The following TMEM131L variants were observed in gnomAD, a reference collection of about 807,000 sequenced individuals.
The protein encoded by TMEM131L is transmembrane protein 131-like.
Under a neutral mutation model 192.2 loss-of-function variants are expected in TMEM131L, and 54 were observed. The observed-to-expected ratio is 0.28, with a 90% CI of 0.23 to 0.35. TMEM131L has a LOEUF of 0.35. TMEM131L is among the 10% of genes least tolerant of loss of function. The pLI, the probability that TMEM131L is intolerant of heterozygous loss-of-function variation, is 1.00. For missense variants in TMEM131L, 1,888 were observed against 1,972.9 expected, an observed-to-expected ratio of 0.96 and a Z score of 0.82; for synonymous variants, 701 against 704.9, an observed-to-expected ratio of 0.99 and a Z score of 0.09.
intron 3 of TMEM131L, among the ~76,000 whole-genome samples, chr4:153,532,807 A>T (rs1314159049): frequency 1.3e-5 from 2 of 152,050 alleles, no homozygotes; most frequent in Non-Finnish European, 2.9e-5. Context: ...CTCATGAATT[A>T]TGTTTTAGTT....
rs190895272 is a variant in TMEM131L, at chr4:153,619,002, G to T, written c.3568-1754G>T. On this transcript the variant is annotated intron_variant, in intron 26 of 34. Transcript: ENST00000409959. ...CACGCCTCTGAATCTAGCTTGTCCTGCATTCCCCTTTTCTTTGTCATACTC... is the reference window on the plus strand; with the variant it reads ...CACGCCTCTGAATCTAGCTTGTCCTTCATTCCCCTTTTCTTTGTCATACTC... Among the ~76,000 whole-genome samples the T allele has an allele frequency of 9.3e-4, 141 of 152,234 alleles. 1 individual carries two copies. The highest frequency in any genetic ancestry group is 8.3e-3 in the South Asian group (40 of 4,830).
In TMEM131L at chr4:153,564,657, G is replaced by C. The variant is rs771978672; in HGVS notation, c.660+6289G>C. ...TGGTGGGTCTGAATGACAGGCTGAG[G>C]CTCTCCTCCTTTTGTTGCATTCTTC... On this transcript the variant is annotated intron_variant, in intron 7 of 34. Coordinates refer to ENST00000409959, the MANE Select transcript of TMEM131L (RefSeq NM_001131007.2). 2.0e-4 allele frequency among the ~76,000 whole-genome samples: 31 copies of C among 152,132 alleles called. 1 individual carries two copies. Among genetic ancestry groups the C allele is most frequent in the Non-Finnish European group, 2.2e-4 (15 of 68,024 alleles).
chr4:153,609,379 C>T (rs1301858940), intron 25 of TMEM131L, among the ~76,000 whole-genome samples: 1 of 152,114 alleles, frequency 6.6e-6, no homozygotes, highest in African/African-American at 2.4e-5. Flanking sequence ...AGAAGTCAGC[C>T]CCCATGATCC....
At chr4:153,608,944 C>A (rs1019530087) in intron 25 of TMEM131L, among the ~76,000 whole-genome samples, 4 of 152,136 alleles carry the variant, frequency 2.6e-5, no homozygotes, top group Non-Finnish European at 5.9e-5. Context: ...ACCATTACCA[C>A]CGTGAAGGGC....
chr4:153,472,040 G>A (rs1731195679), intron 2 of TMEM131L, among the ~76,000 whole-genome samples: 1 of 151,962 alleles, frequency 6.6e-6, no homozygotes, highest in South Asian at 2.1e-4. Context: ...TTTTGTCATA[G>A]AGATTTATTT....
chr4:153,486,625 TC>T (rs775479538), intron 3 of TMEM131L, among the ~76,000 whole-genome samples: 8 of 152,120 alleles, frequency 5.3e-5, no homozygotes, highest in Non-Finnish European at 7.4e-5. Flanking sequence ...TTGCAGGAGG[TC>T]TGTGTGCTTC....
chr4:153,614,489 G>A (rs752260993), intron 26 of TMEM131L, among the ~76,000 whole-genome samples: 2 of 152,170 alleles, frequency 1.3e-5, no homozygotes, highest in Non-Finnish European at 2.9e-5. Flanking sequence ...CTGCAGATTT[G>A]GGGGAGCTAT....
chr4:153,536,302 C>G (rs1432326786), intron 3 of TMEM131L, among the ~76,000 whole-genome samples: 1 of 152,178 alleles, frequency 6.6e-6, no homozygotes, highest in African/African-American at 2.4e-5. Context: ...ACATCTTCAG[C>G]AATAACACTT....
chr4:153,597,393 A>G (rs1476087227), intron 20 of TMEM131L, among the ~76,000 whole-genome samples: 1 of 152,136 alleles, frequency 6.6e-6, no homozygotes, highest in Non-Finnish European at 1.5e-5. Context: ...GCTTGAAAAG[A>G]AAGTCTAAAT....
intron 9 of TMEM131L, among the ~76,000 whole-genome samples, 186 bp from the exon 10 acceptor site, chr4:153,583,004 T>C (rs542559312): frequency 6.7e-6 from 1 of 150,144 alleles, no homozygotes; most frequent in East Asian, 1.9e-4. Context: ...TTCTTGTGAT[T>C]AAAAAAGAAA....
intron 32 of TMEM131L, among the ~76,000 whole-genome samples, chr4:153,633,075 G>A (rs915470781): frequency 4.4e-4 from 67 of 151,244 alleles, no homozygotes; most frequent in African/African-American, 1.4e-3. Context: ...TTTTAAAAAC[G>A]TCTTTAAAAA....
intron 26 of TMEM131L, among the ~76,000 whole-genome samples, chr4:153,618,474 TC>T (rs1416092624): frequency 8.5e-5 from 3 of 35,288 alleles, no homozygotes; most frequent in African/African-American, 1.5e-4. Flanking sequence ...AGACCCTGTC[TC>T]CAAAAAAAAA....
In TMEM131L at chr4:153,468,131, T is replaced by TG. The variant is rs1163055363; in HGVS notation, c.195+851dup. On this transcript the variant is annotated intron_variant, in intron 2 of 34. Transcript: ENST00000409959. The stretch of plus-strand genomic sequence containing the variant: ...CAGCACTTAATTCTGTGTTGTGTCT[T>TG]GCGGCTGTTTAGAAAAACAGGATGT... Among the ~76,000 whole-genome samples the TG allele has an allele frequency of 4.6e-5, 7 of 152,208 alleles. No individual in the cohort carries two copies. In the East Asian group the frequency reaches 1.3e-3, roughly 29 times the overall value.
intron 3 of TMEM131L, among the ~76,000 whole-genome samples, chr4:153,496,421 A>T (rs549442938): frequency 1.5e-4 from 23 of 152,338 alleles, no homozygotes; most frequent in South Asian, 2.1e-4. Flanking sequence ...ATTATTCAGC[A>T]GGGAACACAA....
chr4:153,602,598 C>A lies in TMEM131L; in HGVS notation c.2510C>A (p.Ala837Glu), dbSNP rs1731920029. The change falls in exon 23 of 35, where the codon GCA becomes GAA. Residue 837 changes from alanine (A) to glutamate (E), a missense_variant. Physicochemically the swap from Ala to Glu is moderately radical, Grantham distance 107 (BLOSUM62 -1). Coordinates refer to ENST00000409959, the MANE Select transcript of TMEM131L (RefSeq NM_001131007.2). ...ATTCGGGACCTAAGTCTTGTAACCG[C>A]AGCGGACCTAGAATTTCGCTTCACT... ...WVIRDLSLVTAADLEFRFTLN... is the reference protein window; with the variant it reads ...WVIRDLSLVTEADLEFRFTLN... 1.9e-6 allele frequency: 3 copies of A among 1,614,152 alleles called. No homozygotes were observed. The East Asian group carries it at 6.7e-5, about 36-fold the overall frequency.
At chr4:153,469,215 G>A (rs1165200917) in intron 2 of TMEM131L, among the ~76,000 whole-genome samples, 1 of 151,998 alleles carries the variant, frequency 6.6e-6, no homozygotes, top group Non-Finnish European at 1.5e-5. Flanking sequence ...AAGTGAAACT[G>A]GTTTTCAAAA....
chr4:153,580,911 A>C lies in TMEM131L; in HGVS notation c.738+8A>C. The C allele has an allele frequency of 6.4e-7, 1 of 1,570,660 alleles. No individual in the cohort carries two copies. Among genetic ancestry groups the C allele is most frequent in the Non-Finnish European group, 8.8e-7 (1 of 1,140,970 alleles). On this transcript the variant is annotated splice_region_variant and intron_variant, in intron 8 of 34. Coordinates refer to ENST00000409959, the MANE Select transcript of TMEM131L (RefSeq NM_001131007.2). ...GTGTGTCAGCAATTAAAGGTAAAAT[A>C]AAATGTGTAGTGTTTTCTCTCTGCT...
intron 33 of TMEM131L, 59 bp downstream of exon 33, chr4:153,634,339 G>A: frequency 7.5e-7 from 1 of 1,336,514 alleles, no homozygotes; most frequent in Non-Finnish European, 1.1e-6. Flanking sequence ...GTCAAAGCAG[G>A]AAGTGTGTGG....
At chr4:153,573,410 G>A (rs1422565443) in intron 7 of TMEM131L, among the ~76,000 whole-genome samples, 1 of 152,226 alleles carries the variant, frequency 6.6e-6, no homozygotes, top group Non-Finnish European at 1.5e-5. Flanking sequence ...CTTGTCATTT[G>A]TTTGAGGCCC....
Sources: allele counts gnomAD v4.1 joint callset (sites outside exome capture counted in the v4.1 genomes callset), GRCh38; gene constraint gnomAD v4.1.1; transcripts MANE v1.5; gene names NCBI Gene and HGNC (gene_info 2026-07-23, HGNC 2026-07-21).